Variants in AIG1 observed in about 807,000 individuals in gnomAD.
AIG1 encodes the protein androgen-induced gene 1 protein.
A neutral mutation model predicts 31.4 loss-of-function variants in AIG1; 23 were observed. The observed-to-expected ratio is 0.73, with a 90% CI of 0.53 to 1.04. AIG1 has a LOEUF of 1.04. AIG1 is among the 50% of genes least tolerant of loss of function. The pLI, the probability that AIG1 is intolerant of heterozygous loss-of-function variation, is 0.00. For missense variants in AIG1, 274 were observed against 295.0 expected, an observed-to-expected ratio of 0.93 and a Z score of 0.52; for synonymous variants, 100 against 110.5, an observed-to-expected ratio of 0.90 and a Z score of 0.60.
chr6:143,087,574 A>G (rs1269136402), intron 1 of AIG1, among the ~76,000 whole-genome samples: 1 of 152,216 alleles, frequency 6.6e-6, no homozygotes, highest in Non-Finnish European at 1.5e-5. Flanking sequence ...ACGGCGGCAA[A>G]CAACAGTGGT....
intron 1 of AIG1, among the ~76,000 whole-genome samples, chr6:143,088,559 G>T (rs1354014466): frequency 6.6e-6 from 1 of 152,196 alleles, no homozygotes; most frequent in Admixed American, 6.5e-5. Context: ...GGACTGGAGA[G>T]TATCACTTCT....
chr6:143,071,679 T>TGGTGGTGGTGGTGGTGGTGGTGGTGGA (rs1302791404), intron 1 of AIG1, among the ~76,000 whole-genome samples: 1 of 151,536 alleles, frequency 6.6e-6, no homozygotes, highest in South Asian at 2.1e-4. Flanking sequence ...GTAGTGGTGG[T>TGGTGGTGGTGGTGGTGGTGGTGGTGGA]TCTTTTTTTG....
chr6:143,061,196 T>G (rs1231799511), intron 1 of AIG1, 130 bp downstream of exon 1: 1 of 1,120,804 alleles, frequency 8.9e-7, no homozygotes, highest in East Asian at 2.5e-5. Flanking sequence ...TCCACCCGTG[T>G]CCTCGCCTCT....
At chr6:143,106,047 C>T (rs1164175871) in intron 1 of AIG1, among the ~76,000 whole-genome samples, 1 of 152,152 alleles carries the variant, frequency 6.6e-6, no homozygotes, top group African/African-American at 2.4e-5. Flanking sequence ...AACCTCAGTA[C>T]TTTGGAATGC....
intron 2 of AIG1, among the ~76,000 whole-genome samples, chr6:143,162,562 G>T (rs894553468): frequency 1.3e-5 from 2 of 152,150 alleles, no homozygotes; most frequent in Admixed American, 1.3e-4. Context: ...GTATGAGAGA[G>T]ACCTGTGAAT....
chr6:143,206,052 C>T (rs1791084811), intron 3 of AIG1, among the ~76,000 whole-genome samples: 1 of 152,128 alleles, frequency 6.6e-6, no homozygotes, highest in Admixed American at 6.5e-5. Flanking sequence ...TGTGTTGATC[C>T]ATGACTTCTC....
chr6:143,249,055 T>C (rs1345884347), intron 3 of AIG1, among the ~76,000 whole-genome samples: 1 of 152,238 alleles, frequency 6.6e-6, no homozygotes, highest in Non-Finnish European at 1.5e-5. Context: ...TATATAATTA[T>C]ATAGGATGAA....
At chr6:143,313,415 A>T (rs1775470606) in intron 4 of AIG1, among the ~76,000 whole-genome samples, 1 of 152,152 alleles carries the variant, frequency 6.6e-6, no homozygotes, top group African/African-American at 2.4e-5. Context: ...CATGGATGGA[A>T]CCTTAGGTCA....
In AIG1 at chr6:143,061,084, C is replaced by A. The variant is rs763671465; in HGVS notation, c.141+18C>A. ...TTGATCTGGTAAGGCCGTCCCCTCC[C>A]CCTGCTCGCCCCGCACCCCGTGCCT... On this transcript the variant is annotated intron_variant, in intron 1 of 5. Coordinates refer to ENST00000357847, the MANE Select transcript of AIG1 (RefSeq NM_016108.4). The A allele has an allele frequency of 4.3e-6, 7 of 1,610,934 alleles. No homozygotes were observed. Among genetic ancestry groups the A allele is most frequent in the Non-Finnish European group, 5.9e-6 (7 of 1,178,330 alleles).
At chr6:143,195,248 G>T (rs1790128987) in intron 3 of AIG1, among the ~76,000 whole-genome samples, 1 of 152,156 alleles carries the variant, frequency 6.6e-6, no homozygotes, top group Non-Finnish European at 1.5e-5. Context: ...CATATAGCTG[G>T]AAGAGGAGGT....
rs150233671 is a variant in AIG1, at chr6:143,237,246, A to G, written c.400-46864A>G. On this transcript the variant is annotated intron_variant, in intron 3 of 5. Transcript: ENST00000357847. ...ATCCCCATCTATCTATCCAACAGATATTTTTGAGCATCTACTGTGTGCCAT... is the reference window on the plus strand; with the variant it reads ...ATCCCCATCTATCTATCCAACAGATGTTTTTGAGCATCTACTGTGTGCCAT... 2.1e-3 allele frequency among the ~76,000 whole-genome samples: 320 copies of G among 152,326 alleles called. 1 individual carries two copies. Among genetic ancestry groups the G allele is most frequent in the Non-Finnish European group, 3.3e-3 (224 of 68,026 alleles).
At chr6:143,193,976 GT>G (rs983252362) in intron 3 of AIG1, among the ~76,000 whole-genome samples, 11 of 152,348 alleles carry the variant, frequency 7.2e-5, no homozygotes, top group Non-Finnish European at 1.3e-4. Flanking sequence ...ATATATTTCA[GT>G]ATAGATGAGA....
chr6:143,339,583 A>T, intron 5 of AIG1, 56 bp from the exon 6 acceptor site: 7 of 1,581,098 alleles, frequency 4.4e-6, no homozygotes, highest in Non-Finnish European at 6.1e-6. Context: ...CAGATTAAAC[A>T]AACTGCTTGT....
chr6:143,140,433 G>T (rs1784151870), intron 2 of AIG1, among the ~76,000 whole-genome samples: 1 of 152,040 alleles, frequency 6.6e-6, no homozygotes, highest in Admixed American at 6.6e-5. Flanking sequence ...CTTCACCGTG[G>T]CTTCAGAGCT....
chr6:143,073,863 C>G (rs1180866116), intron 1 of AIG1, among the ~76,000 whole-genome samples: 1 of 152,208 alleles, frequency 6.6e-6, no homozygotes, highest in Non-Finnish European at 1.5e-5. Flanking sequence ...AGGACAGCAA[C>G]AGGGATGGTG....
intron 1 of AIG1, among the ~76,000 whole-genome samples, chr6:143,082,088 C>G (rs1778314426): frequency 6.6e-6 from 1 of 152,124 alleles, no homozygotes. Context: ...TTAGGAATTC[C>G]CTTTCTCTCC....
At chr6:143,134,200 T>C (rs1783519389) in intron 1 of AIG1, among the ~76,000 whole-genome samples, 1 of 152,006 alleles carries the variant, frequency 6.6e-6, no homozygotes, top group African/African-American at 2.4e-5. Flanking sequence ...AAATAAAATA[T>C]TATTTGTACA....
chr6:143,228,075 G>C (rs2128629395), intron 3 of AIG1, among the ~76,000 whole-genome samples: 1 of 152,282 alleles, frequency 6.6e-6, no homozygotes, highest in Non-Finnish European at 1.5e-5. Context: ...ACTGCAAAGT[G>C]GCAGTAGGCT....
At chr6:143,251,455 T>C (rs1240338763) in intron 3 of AIG1, among the ~76,000 whole-genome samples, 1 of 152,146 alleles carries the variant, frequency 6.6e-6, no homozygotes, top group Non-Finnish European at 1.5e-5. Context: ...CCAGAGCTCT[T>C]ATCTTGAAAA....
Sources: gnomAD v4.1 joint callset for allele counts (sites outside exome capture counted in the v4.1 genomes callset) on GRCh38, gnomAD v4.1.1 for gene constraint, MANE v1.5 for transcripts, NCBI Gene and HGNC (gene_info 2026-07-23, HGNC 2026-07-21) for gene names.